The following KLHDC4 variants were observed in gnomAD, a reference collection of about 807,000 sequenced individuals.
KLHDC4 encodes kelch domain containing 4.
In KLHDC4, 90 loss-of-function variants were observed where a neutral mutation model predicts 62.4. That is an observed-to-expected ratio of 1.44 (90% CI 1.22 to 1.72). The LOEUF (loss-of-function observed/expected upper bound fraction) is 1.72. KLHDC4 is among the 40% of genes most tolerant of loss of function. The probability of loss-of-function intolerance (pLI) is 0.00; values close to 1 mark genes in which losing one functional copy is unlikely to be tolerated. For missense variants in KLHDC4, 1,025 were observed against 699.7 expected, an observed-to-expected ratio of 1.47 and a Z score of -5.25; for synonymous variants, 386 against 284.4, an observed-to-expected ratio of 1.36 and a Z score of -3.59.
At chr16:87,730,383 C>A (rs186464004) in intron 6 of KLHDC4, among the ~76,000 whole-genome samples, 169 bp downstream of exon 6, 1 of 152,180 alleles carries the variant, frequency 6.6e-6, no homozygotes, top group African/African-American at 2.4e-5. Context: ...GTGTGAGGCC[C>A]GGTGTGAGGC....
At chr16:87,701,828 A>G (rs1438559316) in exon 1 of KLHDC4, 1 of 456,384 alleles carries the variant, frequency 2.2e-6, no homozygotes, top group Non-Finnish European at 4.4e-6. Context: ...CAGCTGCACC[A>G]CCACTGCTCG....
chr16:87,740,517 G>A (rs2042080954), intron 5 of KLHDC4: 1 of 152,238 alleles, frequency 6.6e-6, no homozygotes, highest in Admixed American at 6.5e-5. Context: ...CCAGCGGAGG[G>A]TGGCTCCCAC....
At position 87,709,378 on chromosome 16, in the gene KLHDC4, T is replaced by G; in HGVS notation, c.1334A>C (p.Tyr445Ser). 1 of 1,613,376 alleles carries G rather than the reference T, an allele frequency of 6.2e-7. No individual in the cohort carries two copies. Among genetic ancestry groups the G allele is most frequent in the Non-Finnish European group, 8.5e-7 (1 of 1,179,882 alleles). The stretch of plus-strand genomic sequence containing the variant: ...GGCCTCAAACATGCCCCCATAGACG[T>G]AGAGCACCCCATGCTTCACAGCCAG... ...AMLAVKHGVLYVYGGMFEAGD... is the reference protein window; with the variant it reads ...AMLAVKHGVLSVYGGMFEAGD... Residue 445 changes from tyrosine to serine, a missense_variant, in exon 10 of 12, where the codon TAC (tyrosine) becomes TCC (serine). Transcript: ENST00000270583.
intron 4 of KLHDC4, among the ~76,000 whole-genome samples, chr16:87,753,614 A>G (rs1371132493): frequency 6.6e-6 from 1 of 152,122 alleles, no homozygotes; most frequent in East Asian, 1.9e-4. Flanking sequence ...AGCCTGGCCA[A>G]CATGGTGAAA....
chr16:87,708,584 G>T, intron 10 of KLHDC4, 118 bp from the exon 11 acceptor site: 2 of 578,732 alleles, frequency 3.5e-6, no homozygotes, highest in Non-Finnish European at 5.6e-6. Flanking sequence ...ACCATAATGT[G>T]AAACCTAACT....
intron 5 of KLHDC4, among the ~76,000 whole-genome samples, chr16:87,739,515 C>T (rs1386953901): frequency 6.7e-6 from 1 of 149,916 alleles, no homozygotes; most frequent in African/African-American, 2.5e-5. Flanking sequence ...AGCACCTCAT[C>T]CACACACCAG....
exon 1 of KLHDC4, chr16:87,700,387 T>A (rs76857461): frequency 6.4e-6 from 1 of 155,520 alleles, no homozygotes; most frequent in South Asian, 2.0e-4. Context: ...GCCGCCCTCC[T>A]GCAGTACCTT....
At chr16:87,724,473 G>A (rs2038992332) in intron 7 of KLHDC4, among the ~76,000 whole-genome samples, 1 of 152,150 alleles carries the variant, frequency 6.6e-6, no homozygotes, top group African/African-American at 2.4e-5. Flanking sequence ...CACCTGAAAA[G>A]AACTGGTGTC....
chr16:87,748,146 G>C (rs1236186673), intron 5 of KLHDC4, among the ~76,000 whole-genome samples: 1 of 152,192 alleles, frequency 6.6e-6, no homozygotes, highest in Non-Finnish European at 1.5e-5. Context: ...ACCCGTGCGT[G>C]GTAAACATGC....
At chr16:87,709,171 T>G in intron 10 of KLHDC4, 94 bp downstream of exon 10, 2 of 1,485,188 alleles carry the variant, frequency 1.3e-6, no homozygotes, top group Non-Finnish European at 1.8e-6. Context: ...ACAGGCCGCC[T>G]CTGGGCAGCT....
intron 7 of KLHDC4, among the ~76,000 whole-genome samples, chr16:87,721,487 G>C (rs981188535): frequency 1.3e-5 from 2 of 150,780 alleles, no homozygotes; most frequent in East Asian, 1.9e-4. Flanking sequence ...GCTGGAACAT[G>C]AGTAGAAGCC....
chr16:87,725,936 T>C (rs111431778), intron 7 of KLHDC4, among the ~76,000 whole-genome samples: 1 of 152,048 alleles, frequency 6.6e-6, no homozygotes, highest in Admixed American at 6.5e-5. Context: ...TGAGCGTCCA[T>C]GGTGCAGGAA....
In KLHDC4 at chr16:87,730,630, G is replaced by A. The variant is rs911693200; in HGVS notation, c.521C>T (p.Pro174Leu). 3.1e-6 allele frequency: 5 copies of A among 1,612,498 alleles called. No individual in the cohort carries two copies. The highest frequency in any genetic ancestry group is 1.7e-5 in the Admixed American group (1 of 59,450). Reference protein sequence around the residue: ...TWEQVKSTGGPSGRSGHRMVA... With the variant: ...TWEQVKSTGGLSGRSGHRMVA... ...CATCCGATGTCCACTCCGACCCGAA[G>A]GACCGCCTGTTGATCTAAAATGAAA... The change falls in exon 6 of 12, where the codon CCT becomes CTT. Residue 174 changes from proline (P) to leucine (L), a missense_variant. Coordinates refer to ENST00000270583, the MANE Select transcript of KLHDC4 (RefSeq NM_017566.4).
exon 1 of KLHDC4, chr16:87,700,659 G>A (rs1379927832): frequency 4.2e-6 from 1 of 240,670 alleles, no homozygotes; most frequent in Non-Finnish European, 7.9e-6. Context: ...AGAGGGAGGA[G>A]GGCAGAGGGC....
At position 87,709,712 on chromosome 16, in the gene KLHDC4, C is replaced by A. The variant is rs769206531; in HGVS notation, c.1045-45G>T. ...GCAGAGAGCAGCAGCTTCAGCGAGG[C>A]AGGGGTCATTCCTGCTATGCCCACA... On this transcript the variant is annotated intron_variant, in intron 9 of 11. Transcript: ENST00000270583. 14 of 1,511,992 alleles carry A rather than the reference C, an allele frequency of 9.3e-6. 1 individual carries two copies. The South Asian group carries it at 1.7e-4, about 18-fold the overall frequency. 93.7% of individuals were successfully genotyped at this position (1,511,992 alleles called of 1,614,324 possible).
intron 5 of KLHDC4, among the ~76,000 whole-genome samples, chr16:87,737,080 G>T (rs1047198456): frequency 4.0e-4 from 49 of 122,376 alleles, no homozygotes; most frequent in Admixed American, 6.1e-4. Flanking sequence ...ACCCGAGATG[G>T]CGCCTTTGTA....
chr16:87,726,758 G>A lies in KLHDC4; in HGVS notation c.759+7C>T, dbSNP rs759615687. 7.6e-5 allele frequency: 92 copies of A among 1,212,830 alleles called. 1 individual carries two copies. The South Asian group carries it at 1.2e-3, about 16-fold the overall frequency. 75.1% of individuals were successfully genotyped at this position (1,212,830 alleles called of 1,614,324 possible). ...CGCCTTGCCTGTTTCCCCACCCCCCGCCTTACCTGTTTCGAGTAGCCCCCA... is the reference window on the plus strand; with the variant it reads ...CGCCTTGCCTGTTTCCCCACCCCCCACCTTACCTGTTTCGAGTAGCCCCCA... On this transcript the variant is annotated splice_region_variant and intron_variant, in intron 7 of 11. Transcript: ENST00000270583.
intron 4 of KLHDC4, among the ~76,000 whole-genome samples, chr16:87,749,356 C>G (rs994281891): frequency 7.2e-5 from 11 of 151,974 alleles, no homozygotes; most frequent in Non-Finnish European, 1.5e-4. Flanking sequence ...GAAATAGAGA[C>G]CATCCTGGCC....
At chr16:87,731,361 T>A (rs1302077958) in intron 5 of KLHDC4, among the ~76,000 whole-genome samples, 1 of 151,950 alleles carries the variant, frequency 6.6e-6, no homozygotes, top group Non-Finnish European at 1.5e-5. Context: ...CATGAGCCAC[T>A]GTGCCCGGCC....
Sources: allele counts gnomAD v4.1 joint callset (sites outside exome capture counted in the v4.1 genomes callset), GRCh38; gene constraint gnomAD v4.1.1; transcripts MANE v1.5; gene names NCBI Gene and HGNC (gene_info 2026-07-23, HGNC 2026-07-21).